FHIT: variants seen among roughly 807,000 people sequenced by gnomAD.
FHIT encodes the protein bis(5'-adenosyl)-triphosphatase.
Under a neutral mutation model 17.9 loss-of-function variants are expected in FHIT, and 19 were observed. The ratio of observed to expected loss-of-function variants is 1.06; its 90% confidence interval spans 0.74 to 1.56. The LOEUF (loss-of-function observed/expected upper bound fraction) is 1.56. Ranked by LOEUF, FHIT falls within the 40% of genes most tolerant of loss-of-function variation. The pLI, the probability that FHIT is intolerant of heterozygous loss-of-function variation, is 0.00. For synonymous variants in FHIT, 81 were observed against 69.7 expected, an observed-to-expected ratio of 1.16 and a Z score of -0.81; for missense variants, 248 against 189.2, an observed-to-expected ratio of 1.31 and a Z score of -1.82.
intron 1 of FHIT, among the ~76,000 whole-genome samples, chr3:61,248,344 CAAAT>C (rs2040535020): frequency 6.6e-6 from 1 of 152,044 alleles, no homozygotes; most frequent in African/African-American, 2.4e-5. Flanking sequence ...GAGAACTTCT[CAAAT>C]AGACTGTTTC....
intron 1 of FHIT, among the ~76,000 whole-genome samples, chr3:61,201,718 T>C (rs1041058715): frequency 2.7e-5 from 4 of 150,076 alleles, no homozygotes; most frequent in African/African-American, 5.1e-5. Context: ...GTCCCTTCTA[T>C]GGGACAGCAT....
chr3:59,822,255 C>T (rs1286342268), intron 8 of FHIT, among the ~76,000 whole-genome samples: 1 of 152,182 alleles, frequency 6.6e-6, no homozygotes, highest in African/African-American at 2.4e-5. Flanking sequence ...CTGCTATGAA[C>T]ATGTGTGTGC....
At chr3:60,919,185 A>G (rs1232226384) in intron 3 of FHIT, among the ~76,000 whole-genome samples, 3 of 152,190 alleles carry the variant, frequency 2.0e-5, no homozygotes, top group African/African-American at 7.2e-5. Context: ...ATTCTGTAGG[A>G]CTGTGGTTTC....
intron 3 of FHIT, among the ~76,000 whole-genome samples, chr3:60,881,631 T>A (rs1704984325): frequency 6.6e-6 from 1 of 152,076 alleles, no homozygotes; most frequent in Non-Finnish European, 1.5e-5. Context: ...CAAGAGGGAC[T>A]TTTGGAAGCT....
At chr3:59,975,434 G>A (rs181723406) in intron 7 of FHIT, among the ~76,000 whole-genome samples, 116 of 152,176 alleles carry the variant, frequency 7.6e-4, no homozygotes, top group African/African-American at 2.6e-3. Flanking sequence ...ACTGTAAGAT[G>A]CTTTGCATAG....
chr3:60,476,201 G>A (rs2033336140), intron 5 of FHIT, among the ~76,000 whole-genome samples: 2 of 152,140 alleles, frequency 1.3e-5, no homozygotes, highest in Admixed American at 1.3e-4. Flanking sequence ...GTCCCTGAGT[G>A]TAAAATATAA....
chr3:60,584,695 T>C (rs2037851989), intron 4 of FHIT, among the ~76,000 whole-genome samples: 1 of 152,018 alleles, frequency 6.6e-6, no homozygotes, highest in Non-Finnish European at 1.5e-5. Flanking sequence ...AGGAAAGAAG[T>C]TACAAAGTCC....
chr3:60,384,281 A>T (rs1197302455), intron 5 of FHIT, among the ~76,000 whole-genome samples: 1 of 151,792 alleles, frequency 6.6e-6, no homozygotes, highest in East Asian at 1.9e-4. Flanking sequence ...AAAAAAAAAA[A>T]AATTGGAGAT....
chr3:61,188,082 A>G (rs1320177094), intron 2 of FHIT, among the ~76,000 whole-genome samples: 2 of 152,232 alleles, frequency 1.3e-5, no homozygotes, highest in East Asian at 3.9e-4. Context: ...AACTAAGACC[A>G]GAGCAGAACT....
At chr3:61,212,840 A>G (rs1215401536) in intron 1 of FHIT, among the ~76,000 whole-genome samples, 1 of 152,192 alleles carries the variant, frequency 6.6e-6, no homozygotes, top group South Asian at 2.1e-4. Flanking sequence ...AGAGTGGAGG[A>G]GGCCCATATT....
At chr3:60,388,331 G>T (rs958371852) in intron 5 of FHIT, among the ~76,000 whole-genome samples, 3 of 152,174 alleles carry the variant, frequency 2.0e-5, no homozygotes, top group Non-Finnish European at 4.4e-5. Context: ...CAGGCATGGT[G>T]GCTCATGCCC....
intron 5 of FHIT, among the ~76,000 whole-genome samples, chr3:60,124,007 TATAG>T (rs1559653699): frequency 1.7e-4 from 3 of 17,774 alleles, no homozygotes; most frequent in African/African-American, 6.9e-4. Flanking sequence ...TATATATATA[TATAG>T]AGAGAGAGAG....
At chr3:60,017,134 TA>T (rs1328439700) in intron 5 of FHIT, among the ~76,000 whole-genome samples, 5 of 152,346 alleles carry the variant, frequency 3.3e-5, no homozygotes, top group Non-Finnish European at 7.3e-5. Flanking sequence ...AGCCTCTTAT[TA>T]AAACTGTGCC....
intron 5 of FHIT, among the ~76,000 whole-genome samples, chr3:60,355,093 T>G (rs1015204529): frequency 1.3e-5 from 2 of 152,216 alleles, no homozygotes; most frequent in African/African-American, 4.8e-5. Flanking sequence ...GAAGGGTAAA[T>G]TAGTCATTTT....
At chr3:59,839,490 C>T (rs1701455332) in intron 8 of FHIT, among the ~76,000 whole-genome samples, 2 of 152,082 alleles carry the variant, frequency 1.3e-5, no homozygotes, top group Non-Finnish European at 2.9e-5. Flanking sequence ...TGTATTTTCC[C>T]TAGTTAAATA....
chr3:60,885,533 T>G (rs1553759094), intron 3 of FHIT, among the ~76,000 whole-genome samples: 1 of 152,166 alleles, frequency 6.6e-6, no homozygotes, highest in East Asian at 1.9e-4. Flanking sequence ...TGTCATGCCT[T>G]GGCCTAAAAC....
chr3:60,301,019 C>T (rs925808180), intron 5 of FHIT, among the ~76,000 whole-genome samples: 4 of 151,992 alleles, frequency 2.6e-5, no homozygotes, highest in African/African-American at 7.2e-5. Flanking sequence ...GCATCTCTCC[C>T]GAGTCCATTC....
intron 5 of FHIT, among the ~76,000 whole-genome samples, chr3:60,212,737 A>G (rs1409710218): frequency 2.0e-5 from 3 of 152,224 alleles, no homozygotes; most frequent in African/African-American, 7.2e-5. Flanking sequence ...GACAGAGGAC[A>G]GGAAATAATA....
chr3:59,829,370 A>G (rs1701085881), intron 8 of FHIT, among the ~76,000 whole-genome samples: 1 of 152,218 alleles, frequency 6.6e-6, no homozygotes, highest in Non-Finnish European at 1.5e-5. Flanking sequence ...ATGGGCCTCT[A>G]TATTCTCATA....
Sources: gnomAD v4.1 joint callset for allele counts (sites outside exome capture counted in the v4.1 genomes callset) on GRCh38, gnomAD v4.1.1 for gene constraint, MANE v1.5 for transcripts, NCBI Gene and HGNC (gene_info 2026-07-23, HGNC 2026-07-21) for gene names.